Variants in PBX1 observed in about 807,000 individuals in gnomAD.
The protein encoded by PBX1 is PBX homeobox 1.
PBX1 carries 6 observed loss-of-function variants against 53.4 expected under a neutral mutation model. The observed-to-expected ratio is 0.11, with a 90% CI of 0.06 to 0.22. The LOEUF is 0.22. Among genes scored for constraint, PBX1 ranks in the 10% least tolerant of loss-of-function variants. The pLI is 1.00. For synonymous variants in PBX1, 204 were observed against 212.3 expected (o/e 0.96, Z 0.34); for missense variants, 251 against 551.4 (o/e 0.46, Z 5.46).
chr1:164,566,412 G>A (rs1011464266), intron 2 of PBX1, among the ~76,000 whole-genome samples: 1 of 152,186 alleles, frequency 6.6e-6, no homozygotes, highest in Non-Finnish European at 1.5e-5. Flanking sequence ...AAAAAACCCT[G>A]TCAAGACCTA....
intron 2 of PBX1, among the ~76,000 whole-genome samples, chr1:164,681,324 GTATGTT>G (rs1378622273): frequency 2.0e-5 from 3 of 152,106 alleles, no homozygotes; most frequent in Non-Finnish European, 2.9e-5. Flanking sequence ...AAATTTGTAT[GTATGTT>G]TATAACATGT....
At chr1:164,815,778 A>C (rs1256555463) in intron 6 of PBX1, 2 of 152,166 alleles carry the variant, frequency 1.3e-5, no homozygotes, top group African/African-American at 4.8e-5. Context: ...AATTAAGTTC[A>C]CCTGGTCTCT....
intron 4 of PBX1, among the ~76,000 whole-genome samples, chr1:164,800,236 G>A (rs138039067): frequency 1.6e-4 from 24 of 152,192 alleles, no homozygotes; most frequent in African/African-American, 5.8e-4. Context: ...ATTCTATCAC[G>A]ACAGGCTCTC....
At chr1:164,764,463 A>C (rs776577282) in intron 2 of PBX1, among the ~76,000 whole-genome samples, 12 of 152,122 alleles carry the variant, frequency 7.9e-5, no homozygotes, top group Non-Finnish European at 1.8e-4. Flanking sequence ...AGCTTGCTCT[A>C]ATATTTTTGT....
chr1:164,621,639 T>G (rs987527946), intron 2 of PBX1, among the ~76,000 whole-genome samples: 2 of 152,122 alleles, frequency 1.3e-5, no homozygotes, highest in South Asian at 2.1e-4. Flanking sequence ...TGTTGCACAG[T>G]CTATCTTTTT....
At chr1:164,885,761 C>T (rs574021003) in intron 2 of PBX1, among the ~76,000 whole-genome samples, 5 of 151,474 alleles carry the variant, frequency 3.3e-5, no homozygotes, top group African/African-American at 9.8e-5. Flanking sequence ...ACTCTTTTAC[C>T]TCCTTCAGGT....
At chr1:164,659,806 G>A (rs1348795772) in intron 2 of PBX1, among the ~76,000 whole-genome samples, 2 of 152,304 alleles carry the variant, frequency 1.3e-5, no homozygotes, top group Non-Finnish European at 2.9e-5. Flanking sequence ...CAGCAGAATC[G>A]AGGGTGGTGG....
intron 2 of PBX1, among the ~76,000 whole-genome samples, chr1:164,621,946 G>GATTCTTCCTCCCTGTAAA: frequency 6.6e-6 from 1 of 152,028 alleles, no homozygotes; most frequent in Non-Finnish European, 1.5e-5. Flanking sequence ...AAGCAACTTT[G>GATTCTTCCTCCCTGTAAA]ATTCTTCCTC....
intron 2 of PBX1, among the ~76,000 whole-genome samples, chr1:164,715,630 T>C (rs1571275309): frequency 1.3e-5 from 2 of 152,220 alleles, no homozygotes; most frequent in Non-Finnish European, 2.9e-5. Context: ...ATTTGATAAA[T>C]AGTTGTTAAA....
chr1:164,622,847 CAG>C (rs766277509), intron 2 of PBX1, among the ~76,000 whole-genome samples: 13 of 118,366 alleles, frequency 1.1e-4, no homozygotes, highest in Non-Finnish European at 1.5e-4. Context: ...TTTTTTGAGA[CAG>C]AGTCTTGCTC....
intron 2 of PBX1, among the ~76,000 whole-genome samples, chr1:164,570,842 A>G (rs1653795583): frequency 6.6e-6 from 1 of 152,130 alleles, no homozygotes. Context: ...AAGAATTCCT[A>G]TTTCTCCATA....
intron 2 of PBX1, among the ~76,000 whole-genome samples, chr1:164,653,403 T>A (rs1363818188): frequency 1.3e-5 from 2 of 152,138 alleles, no homozygotes; most frequent in African/African-American, 2.4e-5. Flanking sequence ...ACAATTTTTT[T>A]ATAAGCGTTT....
intron 3 of PBX1, 58 bp downstream of exon 3, chr1:164,792,796 C>A: frequency 7.5e-7 from 1 of 1,331,032 alleles, no homozygotes; most frequent in Non-Finnish European, 1.0e-6. Context: ...GTGGAGGAAG[C>A]ACAACCCCGG....
Position 164,792,533 on chromosome 1 carries a change from A to C in PBX1, c.305A>C (p.Asp102Ala), listed in dbSNP as rs1466947651. 1 of 1,613,866 alleles carries C rather than the reference A, an allele frequency of 6.2e-7. No homozygotes were observed. Among genetic ancestry groups the C allele is most frequent in the Non-Finnish European group, 8.5e-7 (1 of 1,179,992 alleles). The change falls in exon 3 of 9, where the codon GAC becomes GCC. Residue 102 changes from aspartate (D) to alanine (A), a missense_variant. This residue lies in a region of PBX1 where 76 missense variants were observed against 197.5 expected (regional missense o/e 0.38). Transcript: ENST00000420696. The stretch of plus-strand genomic sequence containing the variant: ...GGAGCCCAGGAGGAGGAACCCACAG[A>C]CCCCCAGCTGATGCGGCTGGACAAC... ...IRGAQEEEPT[D>A]PQLMRLDNML... is the part of the protein sequence containing the mutation.
intron 2 of PBX1, among the ~76,000 whole-genome samples, chr1:164,711,373 C>G (rs1333160715): frequency 2.6e-5 from 4 of 152,178 alleles, no homozygotes; most frequent in Non-Finnish European, 5.9e-5. Flanking sequence ...ACGCCATTCT[C>G]CTGCCTCAGC....
chr1:164,591,201 G>A (rs1655352487), intron 2 of PBX1, among the ~76,000 whole-genome samples: 1 of 151,920 alleles, frequency 6.6e-6, no homozygotes, highest in Admixed American at 6.6e-5. Context: ...TCGTAGAGAC[G>A]GGGTTTCACC....
intron 2 of PBX1, among the ~76,000 whole-genome samples, chr1:164,876,681 C>T (rs897857913): frequency 6.6e-5 from 10 of 152,140 alleles, no homozygotes; most frequent in African/African-American, 2.4e-4. Flanking sequence ...AAGCCGAATG[C>T]ATTACTAATT....
chr1:164,577,736 A>T (rs1654350355), intron 2 of PBX1, among the ~76,000 whole-genome samples: 1 of 152,178 alleles, frequency 6.6e-6, no homozygotes, highest in Non-Finnish European at 1.5e-5. Flanking sequence ...AGGAAGGTTG[A>T]ATTCCCTCAT....
chr1:164,719,314 G>A (rs993182602), intron 2 of PBX1, among the ~76,000 whole-genome samples: 4 of 152,188 alleles, frequency 2.6e-5, no homozygotes, highest in African/African-American at 7.2e-5. Flanking sequence ...AAAGCTCATG[G>A]TCTGATGTGT....
Sources: gnomAD v4.1 joint callset for allele counts (sites outside exome capture counted in the v4.1 genomes callset) on GRCh38, gnomAD v4.1.1 for gene constraint, gnomAD v4.1.1 regional missense constraint, MANE v1.5 for transcripts, NCBI Gene and HGNC (gene_info 2026-07-23, HGNC 2026-07-21) for gene names.